The following PRMT3 variants were observed in gnomAD, a reference collection of about 807,000 sequenced individuals.
PRMT3 encodes the protein protein arginine methyltransferase 3, also known as protein arginine N-methyltransferase 3.
In PRMT3, 62 loss-of-function variants were observed where a neutral mutation model predicts 71.9. The ratio of observed to expected loss-of-function variants is 0.86; its 90% CI spans 0.70 to 1.07. The LOEUF is 1.07. PRMT3 is among the 50% of genes least tolerant of loss of function. The pLI is 0.00. For missense variants in PRMT3, 663 were observed against 643.0 expected (o/e 1.03, Z -0.34); for synonymous variants, 213 against 220.4 (o/e 0.97, Z 0.30).
At chr11:20,410,403 C>T (rs964405179) in intron 9 of PRMT3, among the ~76,000 whole-genome samples, 4 of 151,872 alleles carry the variant, frequency 2.6e-5, no homozygotes, top group Middle Eastern at 3.4e-3. Flanking sequence ...TTTGGAGGAA[C>T]GAGACACTGG....
At position 20,462,132 on chromosome 11, in the gene PRMT3, C is replaced by A. The variant is rs1329429266; in HGVS notation, c.1225C>A (p.Pro409Thr). 6.2e-6 allele frequency: 10 copies of A among 1,611,566 alleles called. No individual in the cohort carries two copies. The highest frequency in any genetic ancestry group is 2.2e-5 in the South Asian group (2 of 90,758). The part of the protein sequence containing the change: ...IPEAVVEVLD[P>T]KTLISEPCGI... The stretch of plus-strand genomic sequence containing the variant: ...AGAAGCTGTTGTGGAAGTTTTAGAT[C>A]CGAAGACTCTTATTTCAGAACCTTG... The change falls in exon 12 of 16, where the codon CCG (proline) becomes ACG (threonine). Residue 409 changes from proline (P) to threonine (T), a missense_variant. Coordinates refer to ENST00000331079, the MANE Select transcript of PRMT3 (RefSeq NM_005788.4).
At position 20,408,522 on chromosome 11, in the gene PRMT3, A is replaced by G. The variant is rs370479169; in HGVS notation, c.893+490A>G. 2.6e-5 allele frequency among the ~76,000 whole-genome samples: 4 copies of G among 152,188 alleles called. No individual in the cohort carries two copies. The East Asian group carries it at 5.8e-4, about 22-fold the overall frequency. ...AGTTGCTGAAAACAAGGCAGAGTGG[A>G]TTTAGTTTATTACCCCCTAAAACTT... On this transcript the variant is annotated intron_variant, in intron 9 of 15. Transcript: ENST00000331079.
intron 9 of PRMT3, among the ~76,000 whole-genome samples, chr11:20,425,910 G>A (rs1849535491): frequency 6.6e-6 from 1 of 152,156 alleles, no homozygotes; most frequent in Admixed American, 6.5e-5. Context: ...AAGTTAAGGG[G>A]TACAATTTCT....
intron 9 of PRMT3, among the ~76,000 whole-genome samples, chr11:20,420,636 A>G (rs898250826): frequency 2.6e-5 from 4 of 152,208 alleles, no homozygotes; most frequent in African/African-American, 9.6e-5. Flanking sequence ...TGGCAGTTTC[A>G]TCCCAAAACC....
chr11:20,495,026 GGTTTT>G (rs1233434456), intron 15 of PRMT3, among the ~76,000 whole-genome samples: 2 of 151,832 alleles, frequency 1.3e-5, no homozygotes, highest in East Asian at 1.9e-4. Context: ...GCCAGTTTTG[GGTTTT>G]GTTTTTTCTT....
At chr11:20,487,167 G>A (rs529518003) in intron 13 of PRMT3, among the ~76,000 whole-genome samples, 2 of 152,126 alleles carry the variant, frequency 1.3e-5, no homozygotes, top group Non-Finnish European at 2.9e-5. Flanking sequence ...AGGAAGTACC[G>A]AGGGATATTC....
intron 9 of PRMT3, among the ~76,000 whole-genome samples, chr11:20,419,326 CT>C (rs1472176483): frequency 6.6e-6 from 1 of 152,076 alleles, no homozygotes; most frequent in East Asian, 1.9e-4. Context: ...CTGTTTATGC[CT>C]TTTGCTCAGG....
chr11:20,477,956 G>C (rs1344456101), intron 13 of PRMT3, among the ~76,000 whole-genome samples: 2 of 152,088 alleles, frequency 1.3e-5, no homozygotes, highest in East Asian at 3.9e-4. Context: ...CAGTGCACTG[G>C]GCCTGGCTAG....
In PRMT3 at chr11:20,508,364, C is replaced by G; in HGVS notation, c.1547C>G (p.Thr516Ser). The G allele has an allele frequency of 6.2e-7, 1 of 1,611,752 alleles. No homozygotes were observed. The highest frequency in any genetic ancestry group is 8.5e-7 in the Non-Finnish European group (1 of 1,177,958). Residue 516 changes from threonine (T) to serine (S), a missense_variant, in exon 16 of 16, where the codon ACC becomes AGC. Thr to Ser is a moderately conservative substitution (Grantham distance 58). Transcript: ENST00000331079. Reference protein sequence around the residue: ...HKNKKDPRSLTVTLTLNNSTQ... With the variant: ...HKNKKDPRSLSVTLTLNNSTQ... ...AATAAGAAAGATCCACGTTCTCTCA[C>G]CGTGACCCTCACGTTGAATAATTCA...
At chr11:20,402,154 T>C (rs1369644802) in intron 7 of PRMT3, among the ~76,000 whole-genome samples, 2 of 152,116 alleles carry the variant, frequency 1.3e-5, no homozygotes, top group East Asian at 1.9e-4. Flanking sequence ...ATTTGCGCTC[T>C]TGTGGCCCAG....
At chr11:20,453,880 T>C in intron 11 of PRMT3, among the ~76,000 whole-genome samples, 1 of 152,178 alleles carries the variant, frequency 6.6e-6, no homozygotes, top group East Asian at 1.9e-4. Context: ...AAATCGGACA[T>C]CTGAAATGTC....
intron 13 of PRMT3, among the ~76,000 whole-genome samples, chr11:20,470,000 T>G (rs1850605535): frequency 6.6e-6 from 1 of 152,128 alleles, no homozygotes; most frequent in Admixed American, 6.6e-5. Context: ...ATGAGGGGGA[T>G]ATATGTGAAG....
At chr11:20,437,384 G>A (rs567383293) in intron 10 of PRMT3, among the ~76,000 whole-genome samples, 2 of 152,274 alleles carry the variant, frequency 1.3e-5, no homozygotes, top group South Asian at 4.1e-4. Flanking sequence ...ATCTGGTGGA[G>A]CAGTTGCCTT....
chr11:20,392,176 G>A (rs1848729113), intron 3 of PRMT3, 35 bp from the exon 4 acceptor site: 2 of 1,556,398 alleles, frequency 1.3e-6, no homozygotes, highest in East Asian at 4.6e-5. Context: ...AACTCATTAT[G>A]TTAACATAGG....
intron 13 of PRMT3, among the ~76,000 whole-genome samples, chr11:20,491,784 CTCACCTGAAAATGCGTAA>C (rs2133450366): frequency 6.6e-6 from 1 of 152,228 alleles, no homozygotes; most frequent in South Asian, 2.1e-4. Flanking sequence ...GGGTTTGGAT[CTCACCTGAAAATGCGTAA>C]TTTGGGGGTT....
intron 15 of PRMT3, among the ~76,000 whole-genome samples, chr11:20,495,582 C>T (rs1851313306): frequency 6.6e-6 from 1 of 152,104 alleles, no homozygotes; most frequent in Non-Finnish European, 1.5e-5. Context: ...CTCTTCCCTG[C>T]CTATCCAAAT....
chr11:20,452,915 T>G (rs1355361395), intron 11 of PRMT3, among the ~76,000 whole-genome samples: 2 of 152,232 alleles, frequency 1.3e-5, no homozygotes, highest in Non-Finnish European at 2.9e-5. Flanking sequence ...AGGATGTAGA[T>G]GGAGCATCAT....
At chr11:20,462,269 A>G (rs921379861) in intron 12 of PRMT3, 102 bp downstream of exon 12, 18 of 942,182 alleles carry the variant, frequency 1.9e-5, no homozygotes, top group Non-Finnish European at 2.7e-5. Context: ...CTTTCAAAAC[A>G]GTACTTTTCC....
At chr11:20,504,159 G>A (rs1851523467) in intron 15 of PRMT3, among the ~76,000 whole-genome samples, 1 of 152,014 alleles carries the variant, frequency 6.6e-6, no homozygotes, top group African/African-American at 2.4e-5. Context: ...CAAATTGGGT[G>A]GTCATCTAAT....
Sources: allele counts gnomAD v4.1 joint callset (sites outside exome capture counted in the v4.1 genomes callset), GRCh38; gene constraint gnomAD v4.1.1; transcripts MANE v1.5; gene names NCBI Gene and HGNC (gene_info 2026-07-23, HGNC 2026-07-21).